The following PDE1A variants were observed in gnomAD, a reference collection of about 807,000 sequenced individuals.
PDE1A encodes phosphodiesterase 1A.
A neutral mutation model predicts 61.7 loss-of-function variants in PDE1A; 35 were observed. The ratio of observed to expected loss-of-function variants is 0.57; its 90% CI spans 0.43 to 0.75. The LOEUF is 0.75. Among genes scored for constraint, PDE1A ranks in the 30% least tolerant of loss-of-function variants. The pLI is 0.00. For synonymous variants in PDE1A, 232 were observed against 213.2 expected, an observed-to-expected ratio of 1.09 and a Z score of -0.77; for missense variants, 597 against 630.6, an observed-to-expected ratio of 0.95 and a Z score of 0.57.
At chr2:182,422,510 C>T (rs1703343764) in intron 1 of PDE1A, among the ~76,000 whole-genome samples, 1 of 152,106 alleles carries the variant, frequency 6.6e-6, no homozygotes, top group African/African-American at 2.4e-5. Flanking sequence ...TGCAATTTTA[C>T]TAGAAGAAAC....
chr2:182,184,007 GAAGAAAGA>G (rs36010429), intron 13 of PDE1A, among the ~76,000 whole-genome samples: 34,896 of 133,938 alleles, frequency 0.26, 5,113 homozygotes, highest in Non-Finnish European at 0.34. Context: ...GAAAGGAAGA[GAAGAAAGA>G]AAGAAAGAAA....
the PDE1A span, among the ~76,000 whole-genome samples, chr2:182,669,591 A>G: frequency 1.7e-3 from 265 of 152,244 alleles, 1 homozygote; most frequent in Non-Finnish European, 3.1e-3. Context: ...TTTCTTTCCC[A>G]TCTTCCTGAT....
At chr2:182,206,412 T>C (rs147854453) in intron 7 of PDE1A, among the ~76,000 whole-genome samples, 5,264 of 152,258 alleles carry the variant, frequency 0.035, 154 homozygotes, top group South Asian at 0.1. Context: ...ATCATTATCA[T>C]CCAATGTCCA....
chr2:182,349,097 C>T (rs1413738760), intron 1 of PDE1A, among the ~76,000 whole-genome samples: 10 of 152,198 alleles, frequency 6.6e-5, no homozygotes, highest in South Asian at 2.1e-4. Flanking sequence ...CTCAAGGGTA[C>T]GTACAGACCA....
At chr2:182,454,837 C>T (rs1475414359) in intron 2 of PDE1A, among the ~76,000 whole-genome samples, 9 of 151,006 alleles carry the variant, frequency 6.0e-5, no homozygotes, top group South Asian at 2.1e-4. Context: ...CTAGGCAATA[C>T]GATTGAGGAC....
At chr2:182,653,106 G>A in the PDE1A span, among the ~76,000 whole-genome samples, 1 of 152,158 alleles carries the variant, frequency 6.6e-6, no homozygotes, top group African/African-American at 2.4e-5. Flanking sequence ...CCATAACATA[G>A]GAATCACTTT....
At chr2:182,301,375 T>A (rs1419680890) in intron 1 of PDE1A, among the ~76,000 whole-genome samples, 1 of 152,208 alleles carries the variant, frequency 6.6e-6, no homozygotes, top group African/African-American at 2.4e-5. Context: ...ACAGGTGGAA[T>A]ACATGGCTCT....
At chr2:182,588,781 C>T in the PDE1A span, among the ~76,000 whole-genome samples, 57,267 of 151,974 alleles carry the variant, frequency 0.38, 12,202 homozygotes, top group East Asian at 0.62. Context: ...CTATGGCTCA[C>T]GCCTGTAATC....
At chr2:182,514,443 T>C (rs1690010309) in intron 2 of PDE1A, among the ~76,000 whole-genome samples, 1 of 152,152 alleles carries the variant, frequency 6.6e-6, no homozygotes, top group South Asian at 2.1e-4. Flanking sequence ...TACAAAGCTA[T>C]AACCAAAACA....
At position 182,389,787 on chromosome 2, in the gene PDE1A, C is replaced by T. The variant is rs146323578; in HGVS notation, c.53+36791G>A. 2.0e-4 allele frequency among the ~76,000 whole-genome samples: 30 copies of T among 152,294 alleles called. No individual in the cohort carries two copies. The South Asian group carries it at 6.0e-3, about 31-fold the overall frequency. The stretch of plus-strand genomic sequence containing the variant: ...CACCCTCAATCTGGGTGAGCACCAT[C>T]TTATCAGCTGTCAGTGCAGACAGAA... On this transcript the variant is annotated intron_variant, in intron 1 of 13. Coordinates refer to ENST00000351439, the Ensembl canonical transcript of PDE1A.
intron 1 of PDE1A, among the ~76,000 whole-genome samples, chr2:182,304,231 ATTC>A (rs538093471): frequency 6.6e-6 from 1 of 152,144 alleles, no homozygotes; most frequent in Non-Finnish European, 1.5e-5. Context: ...TAGCTTCAAA[ATTC>A]TTCTTCTGCA....
At chr2:182,529,184 G>A in the PDE1A span, among the ~76,000 whole-genome samples, 1 of 152,218 alleles carries the variant, frequency 6.6e-6, no homozygotes, top group South Asian at 2.1e-4. Flanking sequence ...GCAGCTGGGA[G>A]GGAGGCTATA....
the PDE1A span, among the ~76,000 whole-genome samples, chr2:182,638,887 T>G: frequency 2.0e-5 from 3 of 151,918 alleles, no homozygotes; most frequent in Non-Finnish European, 4.4e-5. Flanking sequence ...ACAGAAGCCA[T>G]GTGGTGAGGA....
intron 2 of PDE1A, among the ~76,000 whole-genome samples, chr2:182,436,482 C>T (rs1574653093): frequency 6.6e-6 from 1 of 151,900 alleles, no homozygotes; most frequent in Admixed American, 6.6e-5. Context: ...CTGCATGGCT[C>T]GATACCAGAA....
intron 1 of PDE1A, among the ~76,000 whole-genome samples, chr2:182,325,820 G>A (rs1318470499): frequency 6.6e-6 from 1 of 152,174 alleles, no homozygotes; most frequent in Non-Finnish European, 1.5e-5. Flanking sequence ...TCAGGAGGCT[G>A]AAGCAGGAGA....
upstream of PDE1A, among the ~76,000 whole-genome samples, chr2:182,526,207 G>T (rs555978912): frequency 2.8e-4 from 43 of 152,098 alleles, 1 homozygote; most frequent in African/African-American, 8.9e-4. Context: ...GCAGACTAAG[G>T]TACTCTTAAA....
At chr2:182,644,651 G>A in the PDE1A span, among the ~76,000 whole-genome samples, 6 of 152,000 alleles carry the variant, frequency 3.9e-5, no homozygotes, top group Admixed American at 1.3e-4. Flanking sequence ...ACGTCATCTC[G>A]CTGAGCCTGA....
At chr2:182,338,597 T>A (rs1697988744) in intron 1 of PDE1A, among the ~76,000 whole-genome samples, 1 of 151,464 alleles carries the variant, frequency 6.6e-6, no homozygotes, top group African/African-American at 2.4e-5. Context: ...TGATCTCGGC[T>A]CACTGCAACC....
At chr2:182,151,486 T>TAAAGC (rs1351772327) in intron 13 of PDE1A, among the ~76,000 whole-genome samples, 2 of 152,138 alleles carry the variant, frequency 1.3e-5, no homozygotes, top group Non-Finnish European at 2.9e-5. Context: ...CCCAAAGTCT[T>TAAAGC]AAAGCCAGCA....
Sources: allele counts gnomAD v4.1 joint callset (sites outside exome capture counted in the v4.1 genomes callset), GRCh38; gene constraint gnomAD v4.1.1; transcripts MANE v1.5; gene names NCBI Gene and HGNC (gene_info 2026-07-23, HGNC 2026-07-21).